The following PCDHGA6 variants were observed in gnomAD, a reference collection of about 807,000 sequenced individuals.
PCDHGA6 encodes the protein protocadherin gamma-A6.
Under a neutral mutation model 60.6 loss-of-function variants are expected in PCDHGA6, and 41 were observed. The ratio of observed to expected loss-of-function variants is 0.68; its 90% CI spans 0.53 to 0.88. The LOEUF is 0.88. Among genes scored for constraint, PCDHGA6 ranks in the 40% least tolerant of loss-of-function variants. The pLI, the probability that PCDHGA6 is intolerant of heterozygous loss-of-function variation, is 0.00. For missense variants in PCDHGA6, 1,312 were observed against 1,203.0 expected, an observed-to-expected ratio of 1.09 and a Z score of -1.34; for synonymous variants, 594 against 524.4, an observed-to-expected ratio of 1.13 and a Z score of -1.81.
chr5:141,481,729 G>A (rs757464454), intron 1 of PCDHGA6, among the ~76,000 whole-genome samples: 6 of 151,966 alleles, frequency 3.9e-5, no homozygotes, highest in Admixed American at 1.3e-4. Flanking sequence ...GGAGGCGGGC[G>A]GATCACGAGG....
chr5:141,413,863 G>T, intron 1 of PCDHGA6: 1 of 1,613,356 alleles, frequency 6.2e-7, no homozygotes, highest in Non-Finnish European at 8.5e-7. Flanking sequence ...ATCTGGCACT[G>T]TCCTTGTCAG....
chr5:141,389,742 C>T (rs1477462199), intron 1 of PCDHGA6: 2 of 1,612,602 alleles, frequency 1.2e-6, no homozygotes, highest in Non-Finnish European at 1.7e-6. Context: ...CCTGGGGCTG[C>T]GCACGGGCGA....
intron 1 of PCDHGA6, among the ~76,000 whole-genome samples, chr5:141,492,781 T>A (rs945023154): frequency 6.6e-6 from 1 of 152,194 alleles, no homozygotes; most frequent in African/African-American, 2.4e-5. Context: ...TGAGTGAGCC[T>A]CTATAGGACA....
At chr5:141,385,424 C>T in intron 1 of PCDHGA6, 2 of 1,461,926 alleles carry the variant, frequency 1.4e-6, no homozygotes, top group Non-Finnish European at 1.8e-6. Context: ...ATTTAAAAAA[C>T]TTTATAGAGG....
At chr5:141,419,265 C>T in intron 1 of PCDHGA6, 1 of 1,614,040 alleles carries the variant, frequency 6.2e-7, no homozygotes, top group Non-Finnish European at 8.5e-7. Flanking sequence ...CAGCCGGGTG[C>T]CTCCATAGCG....
Position 141,374,673 on chromosome 5 carries a change from A to AC in PCDHGA6, c.590_591insC (p.Glu197AspfsTer41), listed in dbSNP as rs753936532. Reference sequence around the variant, plus strand: ...CCCAAGTACCCGGAGCTGGTGCTGGAGGGCACACTGGACCGGGAAGGAGAA... The same window carrying AC: ...CCCAAGTACCCGGAGCTGGTGCTGGACGGGCACACTGGACCGGGAAGGAGAA... On this transcript the variant is annotated frameshift_variant, in exon 1 of 4. Coordinates refer to ENST00000517434, the MANE Select transcript of PCDHGA6 (RefSeq NM_018919.3). LOFTEE classifies it high-confidence loss of function. 6.2e-7 allele frequency: 1 copy of AC among 1,610,972 alleles called. No homozygotes were observed. The highest frequency in any genetic ancestry group is 1.7e-5 in the Admixed American group (1 of 59,402).
chr5:141,427,139 T>C (rs1430333586), intron 1 of PCDHGA6: 2 of 456,952 alleles, frequency 4.4e-6, no homozygotes, highest in East Asian at 1.4e-4. Context: ...TACGAGATGA[T>C]ATTGGAAATA....
chr5:141,381,459 T>C (rs565448473), intron 1 of PCDHGA6, among the ~76,000 whole-genome samples: 2 of 152,378 alleles, frequency 1.3e-5, no homozygotes, highest in South Asian at 4.1e-4. Flanking sequence ...TGCATTTTGC[T>C]CAAATGCTGT....
At chr5:141,440,443 T>A (rs979101512) in intron 1 of PCDHGA6, 2 of 152,152 alleles carry the variant, frequency 1.3e-5, no homozygotes, top group Admixed American at 1.3e-4. Flanking sequence ...CAAGGCGCCA[T>A]CTCAAAAAAA....
At position 141,477,263 on chromosome 5, in the gene PCDHGA6, G is replaced by C. The variant is rs543767777; in HGVS notation, c.2425-17544G>C. ...CAGTGTGACTGACCTGGATGCTGGC[G>C]AGAACGGGCTGGTGACCTGCGAAGT... On this transcript the variant is annotated intron_variant, in intron 1 of 3. Coordinates refer to ENST00000517434, the MANE Select transcript of PCDHGA6 (RefSeq NM_018919.3). The surrounding 1 kb of genome is among the most constrained non-coding windows in gnomAD (Gnocchi z 4.9). The C allele has an allele frequency of 6.2e-7, 1 of 1,614,192 alleles. No individual in the cohort carries two copies. The highest frequency in any genetic ancestry group is 1.3e-5 in the African/African-American group (1 of 75,058).
At chr5:141,404,771 C>A in intron 1 of PCDHGA6, 2 of 1,613,870 alleles carry the variant, frequency 1.2e-6, no homozygotes, top group African/African-American at 1.3e-5. Context: ...GCTCTCCTAC[C>A]GCCTATTCAA....
At chr5:141,430,991 A>T (rs2097333608) in intron 1 of PCDHGA6, 1 of 1,613,980 alleles carries the variant, frequency 6.2e-7, no homozygotes, top group African/African-American at 1.3e-5. Context: ...TTTCGCCCTG[A>T]ATCCGCGCAG....
chr5:141,433,555 G>C (rs1434189062), intron 1 of PCDHGA6, among the ~76,000 whole-genome samples: 1 of 152,088 alleles, frequency 6.6e-6, no homozygotes, highest in African/African-American at 2.4e-5. Flanking sequence ...TTCTTTTCTG[G>C]CTGGGCGCGG....
rs866878519 is a variant in PCDHGA6, at chr5:141,486,035, C to A, written c.2425-8772C>A. ...TTATTTCAGTGGTCATACCCCTGAT[C>A]GTGTAAGAAACCTCTTTAGCCTGCA... is the stretch of plus-strand genomic sequence containing the variant. On this transcript the variant is annotated intron_variant, in intron 1 of 3. Coordinates refer to ENST00000517434, the MANE Select transcript of PCDHGA6 (RefSeq NM_018919.3). This position sits in a 1 kb window ranked among gnomAD's most constrained non-coding sequence, Gnocchi z 5.0. The A allele has an allele frequency of 1.9e-6, 3 of 1,614,100 alleles. No homozygotes were observed. The East Asian group carries it at 6.7e-5, about 36-fold the overall frequency.
At chr5:141,399,621 C>G (rs757586675) in intron 1 of PCDHGA6, 1 of 1,613,948 alleles carries the variant, frequency 6.2e-7, no homozygotes. Context: ...TGGCACTGGC[C>G]TCTTACGTGT....
intron 1 of PCDHGA6, chr5:141,392,856 CT>C: frequency 1.9e-6 from 3 of 1,612,366 alleles, no homozygotes; most frequent in Non-Finnish European, 2.5e-6. Flanking sequence ...CGAGCTGATC[CT>C]GCTGTGCGCG....
Position 141,512,910 on chromosome 5 carries a change from T to C in PCDHGA6, c.*1737T>C, listed in dbSNP as rs2099884499. On this transcript the variant is annotated 3_prime_UTR_variant, in exon 4 of 4. Transcript: ENST00000517434. Reference sequence around the variant, plus strand: ...CTCTTCCTGTGTCTCACGCAAGTTTTATACTCTAATATTTATATGGCTTTT... The same window carrying C: ...CTCTTCCTGTGTCTCACGCAAGTTTCATACTCTAATATTTATATGGCTTTT... 1 of 152,274 alleles carries C rather than the reference T, an allele frequency of 6.6e-6. No homozygotes were observed. The highest frequency in any genetic ancestry group is 2.1e-4 in the South Asian group (1 of 4,836). 9.4% of individuals were successfully genotyped at this position (152,274 alleles called of 1,614,324 possible). A position where few individuals can be genotyped will look rare whatever the true frequency, so the allele number is the denominator to read the frequency against.
At chr5:141,495,544 T>C (rs971374249) in intron 2 of PCDHGA6, among the ~76,000 whole-genome samples, 5 of 152,220 alleles carry the variant, frequency 3.3e-5, no homozygotes, top group African/African-American at 7.2e-5. Context: ...CCTCAGTCTC[T>C]ATCTCGCTTT....
rs201409669 is a variant in PCDHGA6 at position 141,490,703 on chromosome 5, G to A, written c.2425-4104G>A. The stretch of plus-strand genomic sequence containing the variant: ...GATCCAGACACTGGGGATAATGCCC[G>A]CCTCACCTACTCCATTGTAGGAAAT... On this transcript the variant is annotated intron_variant, in intron 1 of 3. Coordinates refer to ENST00000517434, the MANE Select transcript of PCDHGA6 (RefSeq NM_018919.3). This position sits in a 1 kb window ranked among gnomAD's most constrained non-coding sequence, Gnocchi z 5.4. 2.6e-4 allele frequency: 421 copies of A among 1,614,106 alleles called. No homozygotes were observed. Among genetic ancestry groups the A allele is most frequent in the Middle Eastern group, 6.6e-4 (4 of 6,062 alleles).
Sources: allele counts gnomAD v4.1 joint callset (sites outside exome capture counted in the v4.1 genomes callset), GRCh38; gene constraint gnomAD v4.1.1; non-coding constraint Gnocchi (gnomAD v3.1); transcripts MANE v1.5; gene names NCBI Gene and HGNC (gene_info 2026-07-23, HGNC 2026-07-21).